Variants in MLXIP observed in about 807,000 individuals in gnomAD.
MLXIP encodes the protein MLX-interacting protein.
A neutral mutation model predicts 87.2 loss-of-function variants in MLXIP; 30 were observed. That is an observed-to-expected ratio of 0.34 (90% CI 0.26 to 0.47). The LOEUF is 0.47. Among genes scored for constraint, MLXIP ranks in the 20% least tolerant of loss-of-function variants. The pLI is 1.00. For missense variants in MLXIP, 1,002 were observed against 1,240.1 expected (o/e 0.81, Z 2.88); for synonymous variants, 530 against 514.0 (o/e 1.03, Z -0.42).
intron 14 of MLXIP, 118 bp from the exon 15 acceptor site, chr12:122,138,697 A>T: frequency 6.7e-7 from 1 of 1,499,032 alleles, no homozygotes; most frequent in Non-Finnish European, 8.9e-7. Flanking sequence ...CCTTCCACAG[A>T]CCTCTCTTCT....
intron 1 of MLXIP, among the ~76,000 whole-genome samples, chr12:122,120,452 C>T (rs1294893158): frequency 2.0e-5 from 3 of 152,166 alleles, no homozygotes; most frequent in South Asian, 2.1e-4. Flanking sequence ...TCTCAAACTC[C>T]TGGGCTCAAG....
In MLXIP at chr12:122,146,670, G is replaced by A. The variant is rs1953308665; in HGVS notation, c.*4858G>A. 1 of 152,238 alleles carries A rather than the reference G, an allele frequency of 6.6e-6. No homozygotes were observed. The highest frequency in any genetic ancestry group is 6.5e-5 in the Admixed American group (1 of 15,284). 9.4% of individuals were successfully genotyped at this position (152,238 alleles called of 1,614,324 possible). On this transcript the variant is annotated 3_prime_UTR_variant, in exon 17 of 17. Transcript: ENST00000319080. ...CGCGCGTGTGCGTGTTGACTTCATG[G>A]AATTTTGTTTTGTGAAATTCCCCTC...
At chr12:122,104,509 G>C (rs36196918) in intron 1 of MLXIP, among the ~76,000 whole-genome samples, 76,496 of 151,140 alleles carry the variant, frequency 0.51, 19,836 homozygotes, top group Middle Eastern at 0.64. Context: ...CTCCATTCAT[G>C]TGTTGGTAGA....
At position 122,078,788 on chromosome 12, in the gene MLXIP, CCTCTG is replaced by C; in HGVS notation, c.-64_-60del. ...GCGCGGGCCGGGCCGGGCCGGCGCC[CCTCTG>C]CCTCGCGCGCTTGTCGCGTTGCCCC... is the stretch of plus-strand genomic sequence containing the variant. On this transcript the variant is annotated 5_prime_UTR_variant, in exon 1 of 17. Coordinates refer to ENST00000319080, the MANE Select transcript of MLXIP (RefSeq NM_014938.6). 1 of 1,025,526 alleles carries C rather than the reference CCTCTG, an allele frequency of 9.8e-7. No homozygotes were observed. The highest frequency in any genetic ancestry group is 1.2e-6 in the Non-Finnish European group (1 of 857,640). 63.5% of individuals were successfully genotyped at this position (1,025,526 alleles called of 1,614,324 possible).
chr12:122,131,570 C>T (rs1185758545), intron 7 of MLXIP, among the ~76,000 whole-genome samples: 2 of 151,360 alleles, frequency 1.3e-5, no homozygotes, highest in Non-Finnish European at 2.9e-5. Context: ...CCACCTCAGC[C>T]TCCTGAGTAC....
chr12:122,090,951 G>A (rs1952237283), intron 1 of MLXIP, among the ~76,000 whole-genome samples: 1 of 152,048 alleles, frequency 6.6e-6, no homozygotes, highest in Non-Finnish European at 1.5e-5. Flanking sequence ...GCTGCCAAGG[G>A]CTGGGGAAAG....
At chr12:122,129,558 G>A in intron 4 of MLXIP, 30 bp from the exon 5 acceptor site, 1 of 1,612,016 alleles carries the variant, frequency 6.2e-7, no homozygotes, top group East Asian at 2.2e-5. Flanking sequence ...GGCCATTGGT[G>A]ACCGCCGTGT....
chr12:122,120,361 C>A (rs1214396266), intron 1 of MLXIP, among the ~76,000 whole-genome samples: 1 of 151,996 alleles, frequency 6.6e-6, no homozygotes, highest in African/African-American at 2.4e-5. Context: ...TAGCTAGGAC[C>A]ACAGGCACAT....
At position 122,130,834 on chromosome 12, in the gene MLXIP, A is replaced by G; in HGVS notation, c.911-10A>G. 6.2e-7 allele frequency: 1 copy of G among 1,605,754 alleles called. No individual in the cohort carries two copies. Among genetic ancestry groups the G allele is most frequent in the Non-Finnish European group, 8.5e-7 (1 of 1,172,534 alleles). On this transcript the variant is annotated splice_polypyrimidine_tract_variant and intron_variant, in intron 6 of 16. Coordinates refer to ENST00000319080, the MANE Select transcript of MLXIP (RefSeq NM_014938.6). ...AGACAAAATGGTTCCTCTCTCTGTG[A>G]TTCTTGCAGCACATCTGGGAAATGC...
rs1953216177 is a variant in MLXIP, at chr12:122,142,024, G to A, written c.*212G>A. ...AGCCCGCCTTTGGGAACCCCTTGCT[G>A]TGAACTCTCTCACTCAGTGACCTCA... On this transcript the variant is annotated 3_prime_UTR_variant, in exon 17 of 17. Coordinates refer to ENST00000319080, the MANE Select transcript of MLXIP (RefSeq NM_014938.6). 1 of 705,528 alleles carries A rather than the reference G, an allele frequency of 1.4e-6. No homozygotes were observed. Among genetic ancestry groups the A allele is most frequent in the Non-Finnish European group, 2.4e-6 (1 of 417,420 alleles). 43.7% of individuals were successfully genotyped at this position (705,528 alleles called of 1,614,324 possible). A position where few individuals can be genotyped will look rare whatever the true frequency, so the allele number is the denominator to read the frequency against.
rs1268941533 is a variant in MLXIP, at chr12:122,127,150, G to A, written c.414-106G>A. ...CATGAAGCCGGGTGTATGGCTGGGG[G>A]TGGATCAGTCAAGAGTTTGGTCCTG... On this transcript the variant is annotated intron_variant, in intron 1 of 16. Transcript: ENST00000319080. 1.3e-5 allele frequency: 11 copies of A among 857,004 alleles called. No homozygotes were observed. In the Admixed American group the frequency reaches 2.0e-4, roughly 16 times the overall value. 53.1% of individuals were successfully genotyped at this position (857,004 alleles called of 1,614,324 possible). A position where few individuals can be genotyped will look rare whatever the true frequency, so the allele number is the denominator to read the frequency against.
chr12:122,095,342 G>C (rs899819065), intron 1 of MLXIP, among the ~76,000 whole-genome samples: 84,256 of 151,688 alleles, frequency 0.56, 23,668 homozygotes, highest in African/African-American at 0.6. Flanking sequence ...TGCACACTTA[G>C]TGCTTGTGCG....
Position 122,138,557 on chromosome 12 carries a change from CT to C in MLXIP, c.2384+8del. The C allele has an allele frequency of 1.2e-6, 2 of 1,607,622 alleles. No individual in the cohort carries two copies. Among genetic ancestry groups the C allele is most frequent in the Non-Finnish European group, 1.7e-6 (2 of 1,177,526 alleles). ...GAGCTCAATGCCACCATCATGTGAG[CT>C]TCTGGGCCTTGGGGCTCCAACCAGG... On this transcript the variant is annotated splice_region_variant and intron_variant, in intron 14 of 16. Transcript: ENST00000319080.
At position 122,140,758 on chromosome 12, in the gene MLXIP, G is replaced by T. The variant is rs893352468; in HGVS notation, c.2509-196G>T. 15 of 824,792 alleles carry T rather than the reference G, an allele frequency of 1.8e-5. No homozygotes were observed. In the African/African-American group the frequency reaches 2.5e-4, roughly 14 times the overall value. The allele number at this position is 824,792 out of a possible 1,614,324, so 51.1% of individuals were successfully genotyped here. On this transcript the variant is annotated intron_variant, in intron 15 of 16. Coordinates refer to ENST00000319080, the MANE Select transcript of MLXIP (RefSeq NM_014938.6). Reference sequence around the variant, plus strand: ...TGAGCGGCCCTGTTGTCCAGGTACAGTTAGAGCAGAGTGTTTTCATGAAGT... The same window carrying T: ...TGAGCGGCCCTGTTGTCCAGGTACATTTAGAGCAGAGTGTTTTCATGAAGT...
At chr12:122,090,636 A>G (rs1317591664) in intron 1 of MLXIP, among the ~76,000 whole-genome samples, 3 of 152,164 alleles carry the variant, frequency 2.0e-5, no homozygotes, top group Non-Finnish European at 4.4e-5. Flanking sequence ...CTTTCCCTGT[A>G]TGTTTGATAA....
At chr12:122,117,488 A>C (rs771751924) in intron 1 of MLXIP, among the ~76,000 whole-genome samples, 7 of 152,210 alleles carry the variant, frequency 4.6e-5, no homozygotes, top group South Asian at 2.1e-4. Flanking sequence ...GAAGCAAGTG[A>C]ATTGGACTCC....
chr12:122,108,462 T>A (rs1291475355), intron 1 of MLXIP, among the ~76,000 whole-genome samples: 1 of 151,812 alleles, frequency 6.6e-6, no homozygotes, highest in Non-Finnish European at 1.5e-5. Context: ...CTTCCTTATG[T>A]CAGGAAAGGG....
chr12:122,113,681 C>CTTTTTT (rs1173711241), intron 1 of MLXIP, among the ~76,000 whole-genome samples: 35,952 of 99,946 alleles, frequency 0.36, 7,922 homozygotes, highest in Non-Finnish European at 0.37. Context: ...GCCTTCATTT[C>CTTTTTT]TTTTTTTTTT....
At position 122,135,147 on chromosome 12, in the gene MLXIP, C is replaced by A. The variant is rs1300107380; in HGVS notation, c.1733-77C>A. 1 of 1,561,950 alleles carries A rather than the reference C, an allele frequency of 6.4e-7. No homozygotes were observed. Among genetic ancestry groups the A allele is most frequent in the Non-Finnish European group, 8.7e-7 (1 of 1,149,022 alleles). On this transcript the variant is annotated intron_variant, in intron 9 of 16. Transcript: ENST00000319080. The surrounding 1 kb of genome is among the most constrained non-coding windows in gnomAD (Gnocchi z 5.3). ...GGTTGAGAACAAGCTGTCTCACTGGCAGAGAGGCAGCCTCTGCAGGGTGGG... is the reference window on the plus strand; with the variant it reads ...GGTTGAGAACAAGCTGTCTCACTGGAAGAGAGGCAGCCTCTGCAGGGTGGG...
Sources: gnomAD v4.1 joint callset for allele counts (sites outside exome capture counted in the v4.1 genomes callset) on GRCh38, gnomAD v4.1.1 for gene constraint, Gnocchi (gnomAD v3.1) non-coding constraint, MANE v1.5 for transcripts, NCBI Gene and HGNC (gene_info 2026-07-23, HGNC 2026-07-21) for gene names.